ANKS1B: variants seen among roughly 807,000 people sequenced by gnomAD.
The protein encoded by ANKS1B is ankyrin repeat and sterile alpha motif domain containing 1B.
A neutral mutation model predicts 148.3 loss-of-function variants in ANKS1B; 36 were observed. That is an observed-to-expected ratio of 0.24 (90% CI 0.19 to 0.32). The LOEUF (loss-of-function observed/expected upper bound fraction) is 0.32. Among genes scored for constraint, ANKS1B ranks in the 10% least tolerant of loss-of-function variants. ANKS1B has a pLI of 1.00. For synonymous variants in ANKS1B, 542 were observed against 560.8 expected (o/e 0.97, Z 0.47); for missense variants, 1,157 against 1,542.6 (o/e 0.75, Z 4.19).
At chr12:99,920,569 A>G (rs1038935052) in intron 1 of ANKS1B, among the ~76,000 whole-genome samples, 2 of 152,160 alleles carry the variant, frequency 1.3e-5, no homozygotes, top group African/African-American at 4.8e-5. Context: ...AAGTCCACCA[A>G]TGATTAATTC....
chr12:99,865,206 C>T (rs1719259159), intron 1 of ANKS1B, among the ~76,000 whole-genome samples: 1 of 152,104 alleles, frequency 6.6e-6, no homozygotes, highest in Admixed American at 6.6e-5. Flanking sequence ...ATATGTTTTC[C>T]ACTCTATGTT....
chr12:99,721,211 G>A (rs112314189), intron 8 of ANKS1B, among the ~76,000 whole-genome samples: 7,886 of 152,038 alleles, frequency 0.052, 248 homozygotes, highest in Non-Finnish European at 0.083. Flanking sequence ...AATCCCACTC[G>A]AAGCAGCCCT....
At chr12:99,558,855 T>C (rs1363001819) in intron 9 of ANKS1B, among the ~76,000 whole-genome samples, 1 of 152,164 alleles carries the variant, frequency 6.6e-6, no homozygotes, top group Non-Finnish European at 1.5e-5. Context: ...CATGCTCCAC[T>C]TCAGCCATTC....
At chr12:99,021,746 G>A (rs1360752505) in intron 17 of ANKS1B, among the ~76,000 whole-genome samples, 3 of 152,146 alleles carry the variant, frequency 2.0e-5, no homozygotes, top group Non-Finnish European at 2.9e-5. Flanking sequence ...TGCACATGTG[G>A]ATACATCAAA....
At chr12:99,431,038 A>G (rs939679075) in intron 11 of ANKS1B, among the ~76,000 whole-genome samples, 14 of 152,202 alleles carry the variant, frequency 9.2e-5, no homozygotes, top group Admixed American at 9.2e-4. Context: ...CCAGTGTCTA[A>G]TATAGTGCTT....
chr12:99,117,227 A>G (rs1278550191), intron 15 of ANKS1B, among the ~76,000 whole-genome samples: 2 of 152,206 alleles, frequency 1.3e-5, no homozygotes, highest in South Asian at 4.1e-4. Context: ...CAGAACTTCC[A>G]ACACTATGTT....
At chr12:98,802,748 T>C (rs2099016349) in intron 20 of ANKS1B, among the ~76,000 whole-genome samples, 1 of 151,846 alleles carries the variant, frequency 6.6e-6, no homozygotes, top group South Asian at 2.1e-4. Flanking sequence ...TGTGACTAGT[T>C]GGAACTCCTT....
intron 17 of ANKS1B, among the ~76,000 whole-genome samples, chr12:98,852,699 A>G (rs2099536898): frequency 6.6e-6 from 1 of 152,212 alleles, no homozygotes; most frequent in African/African-American, 2.4e-5. Context: ...GCGAGGTGGC[A>G]GAGCCCACAT....
chr12:99,110,639 G>A (rs957827900), intron 15 of ANKS1B, among the ~76,000 whole-genome samples: 2 of 152,180 alleles, frequency 1.3e-5, no homozygotes, highest in Non-Finnish European at 2.9e-5. Context: ...TATGAAGCAG[G>A]AAGTTTCTCT....
intron 25 of ANKS1B, among the ~76,000 whole-genome samples, chr12:98,772,453 G>T (rs530376830): frequency 1.6e-4 from 24 of 152,266 alleles, no homozygotes; most frequent in Non-Finnish European, 3.1e-4. Flanking sequence ...AAAGGAAAGG[G>T]GTTTAATTGG....
intron 1 of ANKS1B, among the ~76,000 whole-genome samples, chr12:99,912,016 T>C (rs1272997539): frequency 1.3e-5 from 2 of 152,214 alleles, no homozygotes; most frequent in African/African-American, 4.8e-5. Flanking sequence ...CATTAAAATT[T>C]TAAAGAGTTT....
chr12:99,658,713 A>C (rs1239431617), intron 8 of ANKS1B, among the ~76,000 whole-genome samples: 1 of 152,088 alleles, frequency 6.6e-6, no homozygotes, highest in African/African-American at 2.4e-5. Flanking sequence ...AATCATTTCC[A>C]CTTGCAGGGC....
rs2153489780 is a variant in ANKS1B, at chr12:99,684,657, A to C, written c.1129-29447T>G. Reference sequence around the variant, plus strand: ...CCAAAAGAATAAATCTGGAAGCATCACATTACTTAACTTCAAACTATACTA... The same window carrying C: ...CCAAAAGAATAAATCTGGAAGCATCCCATTACTTAACTTCAAACTATACTA... On this transcript the variant is annotated intron_variant, in intron 8 of 26. Transcript: ENST00000683438. 1.3e-5 allele frequency among the ~76,000 whole-genome samples: 2 copies of C among 152,274 alleles called. 1 individual carries two copies. The highest frequency in any genetic ancestry group is 1.3e-4 in the Admixed American group (2 of 15,274).
chr12:98,788,033 G>A (rs2098812720), intron 22 of ANKS1B, among the ~76,000 whole-genome samples: 1 of 151,930 alleles, frequency 6.6e-6, no homozygotes, highest in Admixed American at 6.6e-5. Context: ...AGCCAGCAAA[G>A]AGGCCTTGCA....
chr12:99,705,517 G>A (rs374254085), intron 8 of ANKS1B, among the ~76,000 whole-genome samples: 3 of 152,214 alleles, frequency 2.0e-5, no homozygotes, highest in East Asian at 1.9e-4. Context: ...AGTGACAATG[G>A]CATCTAGAAG....
At chr12:98,953,025 T>C (rs1413278963) in intron 17 of ANKS1B, among the ~76,000 whole-genome samples, 4 of 63,906 alleles carry the variant, frequency 6.3e-5, no homozygotes, top group Non-Finnish European at 9.8e-5. Flanking sequence ...CACTCAGCTA[T>C]TTTTTTTTTT....
chr12:99,911,591 A>C (rs1346002384), intron 1 of ANKS1B, among the ~76,000 whole-genome samples: 1 of 152,234 alleles, frequency 6.6e-6, no homozygotes, highest in Non-Finnish European at 1.5e-5. Context: ...ATTTACTTAT[A>C]AAGTTCGATA....
intron 15 of ANKS1B, among the ~76,000 whole-genome samples, chr12:99,109,304 C>A (rs930293968): frequency 6.6e-6 from 1 of 152,284 alleles, no homozygotes; most frequent in East Asian, 1.9e-4. Context: ...CTACTAGTTA[C>A]CTTGCCTATT....
rs371936700 is a variant in ANKS1B at position 99,387,603 on chromosome 12, A to AAAG, written c.1756+12025_1756+12027dup. Among the ~76,000 whole-genome samples the AAAG allele has an allele frequency of 5.2e-4, 79 of 151,144 alleles. 3 individuals are homozygous for AAAG. In the East Asian group the frequency reaches 0.013, roughly 26 times the overall value. Reference sequence around the variant, plus strand: ...AGAGTGAGACTCTGTCTCAAAAAAAAAAGAAGAAGAAGAAGAAGAAGCCCA... The same window carrying AAAG: ...AGAGTGAGACTCTGTCTCAAAAAAAAAAGAAGAAGAAGAAGAAGAAGAAGCCCA... On this transcript the variant is annotated intron_variant, in intron 12 of 26. Coordinates refer to ENST00000683438, the MANE Select transcript of ANKS1B (RefSeq NM_001352186.2).
Sources: gnomAD v4.1 joint callset for allele counts (sites outside exome capture counted in the v4.1 genomes callset) on GRCh38, gnomAD v4.1.1 for gene constraint, MANE v1.5 for transcripts, NCBI Gene and HGNC (gene_info 2026-07-23, HGNC 2026-07-21) for gene names.